Variants in LHFPL3 observed in about 807,000 individuals in gnomAD.
LHFPL3 encodes the protein LHFPL tetraspan subfamily member 3 protein.
In LHFPL3, 5 loss-of-function variants were observed where a neutral mutation model predicts 19.3. The observed-to-expected ratio is 0.26, with a 90% CI of 0.14 to 0.54. LHFPL3 has a LOEUF of 0.54. Among genes scored for constraint, LHFPL3 ranks in the 20% least tolerant of loss-of-function variants. The pLI is 0.94. For missense variants in LHFPL3, 249 were observed against 307.4 expected (o/e 0.81, Z 1.42); for synonymous variants, 133 against 126.2 (o/e 1.05, Z -0.36).
chr7:104,713,221 A>G (rs1251041627), intron 1 of LHFPL3, among the ~76,000 whole-genome samples: 1 of 152,222 alleles, frequency 6.6e-6, no homozygotes, highest in Non-Finnish European at 1.5e-5. Context: ...TAAAGAAATG[A>G]AAGAAAGACA....
intron 1 of LHFPL3, among the ~76,000 whole-genome samples, chr7:104,451,547 A>G (rs1257873010): frequency 6.6e-6 from 1 of 152,234 alleles, no homozygotes; most frequent in East Asian, 1.9e-4. Context: ...ACAAGTATGA[A>G]GAAATTAAAA....
At chr7:104,509,412 G>A (rs1445898748) in intron 1 of LHFPL3, among the ~76,000 whole-genome samples, 2 of 152,174 alleles carry the variant, frequency 1.3e-5, no homozygotes, top group East Asian at 1.9e-4. Context: ...TTCCAAGGAT[G>A]CAAAGCTAGT....
At chr7:104,640,341 A>G (rs1791808102) in intron 1 of LHFPL3, among the ~76,000 whole-genome samples, 1 of 152,014 alleles carries the variant, frequency 6.6e-6, no homozygotes, top group African/African-American at 2.4e-5. Flanking sequence ...TTCATTGTTC[A>G]GCTCCCACTT....
intron 1 of LHFPL3, among the ~76,000 whole-genome samples, chr7:104,634,382 C>A (rs904182365): frequency 6.6e-6 from 1 of 152,144 alleles, no homozygotes; most frequent in Admixed American, 6.5e-5. Flanking sequence ...AAATAGAGTA[C>A]AAGTGTCTTT....
intron 1 of LHFPL3, among the ~76,000 whole-genome samples, chr7:104,402,350 A>C (rs1300693428): frequency 2.0e-5 from 3 of 152,262 alleles, no homozygotes; most frequent in Admixed American, 2.0e-4. Flanking sequence ...AGTTTAAATT[A>C]GGAAATTGTG....
At chr7:104,775,422 C>T (rs530502552) in intron 2 of LHFPL3, among the ~76,000 whole-genome samples, 1 of 152,284 alleles carries the variant, frequency 6.6e-6, no homozygotes, top group Non-Finnish European at 1.5e-5. Flanking sequence ...AATACAGCTA[C>T]TAATTTTTAA....
At chr7:104,779,250 T>C (rs1250500239) in intron 2 of LHFPL3, among the ~76,000 whole-genome samples, 1 of 152,196 alleles carries the variant, frequency 6.6e-6, no homozygotes, top group East Asian at 1.9e-4. Context: ...GTGTAAAGCA[T>C]GTCAGCAGTG....
At position 104,536,017 on chromosome 7, in the gene LHFPL3, G is replaced by A. The variant is rs533006643; in HGVS notation, c.446-200658G>A. Among the ~76,000 whole-genome samples, 15 of 152,270 alleles carry A rather than the reference G, an allele frequency of 9.9e-5. No homozygotes were observed. The East Asian group carries it at 2.3e-3, about 23-fold the overall frequency. On this transcript the variant is annotated intron_variant, in intron 1 of 2. Coordinates refer to ENST00000424859, the MANE Select transcript of LHFPL3 (RefSeq NM_199000.3). ...TGCCATCACTGCCCTACAGCACCAC[G>A]GGAGGAAGCCGCATTTTCTCCCTGT...
intron 1 of LHFPL3, among the ~76,000 whole-genome samples, chr7:104,536,970 A>G (rs1431834517): frequency 6.6e-6 from 1 of 152,208 alleles, no homozygotes; most frequent in African/African-American, 2.4e-5. Context: ...TGGACTATTT[A>G]ATCTTCTACC....
intron 1 of LHFPL3, chr7:104,667,665 A>G: frequency 2.0e-6 from 2 of 991,790 alleles, no homozygotes; most frequent in Non-Finnish European, 3.0e-6. Flanking sequence ...AATAGTAACT[A>G]AAGTTAACAT....
chr7:104,797,203 G>T (rs1790151145), intron 2 of LHFPL3, among the ~76,000 whole-genome samples: 1 of 152,180 alleles, frequency 6.6e-6, no homozygotes. Context: ...AGAAAGAGGA[G>T]ATGCACACTG....
At chr7:104,607,462 G>A (rs944966685) in intron 1 of LHFPL3, among the ~76,000 whole-genome samples, 4 of 152,180 alleles carry the variant, frequency 2.6e-5, no homozygotes, top group Non-Finnish European at 5.9e-5. Flanking sequence ...TCAGATCACA[G>A]TTGTTTATAT....
intron 1 of LHFPL3, among the ~76,000 whole-genome samples, chr7:104,599,436 A>T (rs1790923197): frequency 6.6e-6 from 1 of 152,220 alleles, no homozygotes; most frequent in African/African-American, 2.4e-5. Context: ...AGAACAAAAC[A>T]GTGATGTCAA....
chr7:104,681,939 C>A (rs1307011808), intron 1 of LHFPL3, among the ~76,000 whole-genome samples: 4 of 152,122 alleles, frequency 2.6e-5, no homozygotes, highest in African/African-American at 9.7e-5. Context: ...CTGCCATCAG[C>A]ATATTGCAAA....
At chr7:104,455,710 G>C (rs1208965033) in intron 1 of LHFPL3, among the ~76,000 whole-genome samples, 2 of 152,144 alleles carry the variant, frequency 1.3e-5, no homozygotes, top group East Asian at 3.8e-4. Context: ...AAAACAGTGA[G>C]GCTCCATCTC....
In LHFPL3 at chr7:104,735,084, G is replaced by A. The variant is rs138869705; in HGVS notation, c.446-1591G>A. On this transcript the variant is annotated intron_variant, in intron 1 of 2. Coordinates refer to ENST00000424859, the MANE Select transcript of LHFPL3 (RefSeq NM_199000.3). ...GTCTGATCGTTCCTCTGGAAGTTTC[G>A]TCTCAGAGGGGTACCCCGCCATGTG... 4.8e-3 allele frequency among the ~76,000 whole-genome samples: 738 copies of A among 152,300 alleles called. 2 individuals are homozygous for A. Among genetic ancestry groups the A allele is most frequent in the South Asian group, 0.019 (93 of 4,824 alleles).
intron 1 of LHFPL3, among the ~76,000 whole-genome samples, chr7:104,335,329 A>G (rs1003026324): frequency 6.6e-6 from 1 of 152,240 alleles, no homozygotes; most frequent in Non-Finnish European, 1.5e-5. Flanking sequence ...AAGGATACCT[A>G]CAGCCAGTGA....
At chr7:104,356,465 A>G (rs1276049075) in intron 1 of LHFPL3, among the ~76,000 whole-genome samples, 1 of 152,160 alleles carries the variant, frequency 6.6e-6, no homozygotes, top group East Asian at 1.9e-4. Flanking sequence ...CATTTTTGTC[A>G]TTGTCAGAAG....
intron 1 of LHFPL3, among the ~76,000 whole-genome samples, chr7:104,609,494 G>C (rs1349178661): frequency 6.6e-6 from 1 of 152,148 alleles, no homozygotes; most frequent in South Asian, 2.1e-4. Flanking sequence ...CTGTTTAAGA[G>C]ATTGAGCACA....
Sources: gnomAD v4.1 joint callset for allele counts (sites outside exome capture counted in the v4.1 genomes callset) on GRCh38, gnomAD v4.1.1 for gene constraint, MANE v1.5 for transcripts, NCBI Gene and HGNC (gene_info 2026-07-23, HGNC 2026-07-21) for gene names.